Variants in DMD observed in about 807,000 individuals in gnomAD.
DMD encodes the protein dystrophin.
Under a neutral mutation model 330.1 loss-of-function variants are expected in DMD, and 63 were observed. The ratio of observed to expected loss-of-function variants is 0.19; its 90% CI spans 0.16 to 0.24. The LOEUF is 0.24. DMD is among the 10% of genes least tolerant of loss of function. The pLI is 1.00. For synonymous variants in DMD, 1,223 were observed against 959.8 expected (o/e 1.27, Z -5.07); for missense variants, 3,344 against 2,684.1 (o/e 1.25, Z -5.43).
At chrX:31,242,700 A>ATGTATGTG (rs747356705) in intron 63 of DMD, among the ~76,000 whole-genome samples, 8 of 95,096 alleles carry the variant, frequency 8.4e-5, no homozygotes, top group African/African-American at 3.1e-4. Flanking sequence ...ACAATAAGAT[A>ATGTATGTG]TGTGTGTGTG....
chrX:32,711,411 G>A (rs748126977), intron 7 of DMD, among the ~76,000 whole-genome samples: 5 of 110,852 alleles, frequency 4.5e-5, no homozygotes, highest in African/African-American at 1.6e-4. Flanking sequence ...CCCCATATGG[G>A]CTCTGATCTT....
At position 32,597,239 on chromosome X, in the gene DMD, AT is replaced by A. The variant is rs1397200946; in HGVS notation, c.1483-1364del. On this transcript the variant is annotated intron_variant, in intron 12 of 78. Transcript: ENST00000357033. ...TCCCTAGTAATTCACCATTTCTGTCATTTTTTTAATCATAGTATTGTCACTA... is the reference window on the plus strand; with the variant it reads ...TCCCTAGTAATTCACCATTTCTGTCATTTTTTAATCATAGTATTGTCACTA... 3.9e-4 allele frequency among the ~76,000 whole-genome samples: 44 copies of A among 111,667 alleles called. No homozygotes were observed. In the Admixed American group the frequency reaches 4.1e-3, roughly 10 times the overall value.
chrX:32,925,522 T>C (rs56129937), intron 2 of DMD, among the ~76,000 whole-genome samples: 5,597 of 110,600 alleles, frequency 0.051, 123 homozygotes, highest in African/African-American at 0.083. Flanking sequence ...GTAACTTGAA[T>C]CCAGTAAATG....
chrX:31,932,123 G>A lies in DMD; in HGVS notation c.6719C>T (p.Pro2240Leu). The part of the protein sequence containing the change: ...ADNIASIPLE[P>L]GKEQQLKEKL... The stretch of plus-strand genomic sequence containing the variant: ...TTCTTTTAGTTGCTGCTCTTTTCCA[G>A]GTTCAAGTGGGATACTAGCAATGTT... Residue 2240 changes from proline (P) to leucine (L), a missense_variant, in exon 46 of 79, where the codon CCT (proline) becomes CTT (leucine). By Grantham distance (98) the Pro-to-Leu change is moderately conservative (BLOSUM62 -3). Transcript: ENST00000357033. 1 of 1,209,667 alleles carries A rather than the reference G, an allele frequency of 8.3e-7. No individual in the cohort carries two copies. Among genetic ancestry groups the A allele is most frequent in the South Asian group, 1.8e-5 (1 of 56,938 alleles).
At chrX:32,260,725 C>CTA (rs1369645753) in intron 43 of DMD, among the ~76,000 whole-genome samples, 4 of 111,923 alleles carry the variant, frequency 3.6e-5, no homozygotes, top group African/African-American at 1.3e-4. Flanking sequence ...TTTCCAAGAA[C>CTA]TATACATTAT....
chrX:31,191,587 C>G lies in DMD; in HGVS notation c.9808-8683G>C, dbSNP rs745402423. ...GATGGTTTTAAAAACGGGAGTTTCTCTGCACAAGCTCTTTTTTTGCCTGCT... is the reference window on the plus strand; with the variant it reads ...GATGGTTTTAAAAACGGGAGTTTCTGTGCACAAGCTCTTTTTTTGCCTGCT... On this transcript the variant is annotated intron_variant, in intron 67 of 78. Coordinates refer to ENST00000357033, the MANE Select transcript of DMD (RefSeq NM_004006.3). 9.0e-5 allele frequency among the ~76,000 whole-genome samples: 10 copies of G among 111,256 alleles called. No homozygotes were observed. The Admixed American group carries it at 9.5e-4, about 11-fold the overall frequency.
At chrX:32,760,997 T>C (rs918144025) in intron 7 of DMD, among the ~76,000 whole-genome samples, 3 of 109,150 alleles carry the variant, frequency 2.7e-5, no homozygotes, top group Admixed American at 1.0e-4. Context: ...CTCTAAAATA[T>C]AGCCCAAATG....
At chrX:32,098,555 A>G (rs1178585905) in intron 44 of DMD, among the ~76,000 whole-genome samples, 3 of 111,978 alleles carry the variant, frequency 2.7e-5, no homozygotes, top group Non-Finnish European at 5.6e-5. Flanking sequence ...TTTCTAACTC[A>G]TTCTAGATAT....
At chrX:33,250,495 G>A (rs2052755907) in intron 1 of DMD, among the ~76,000 whole-genome samples, 2 of 110,470 alleles carry the variant, frequency 1.8e-5, no homozygotes, top group Non-Finnish European at 3.8e-5. Flanking sequence ...GACCAGTACC[G>A]GTCCTTGGCC....
chrX:32,684,306 T>C, intron 9 of DMD, among the ~76,000 whole-genome samples: 1 of 111,693 alleles, frequency 9.0e-6, no homozygotes, highest in Non-Finnish European at 1.9e-5. Context: ...AATCTAACCA[T>C]GTATCAGTGC....
At chrX:32,614,194 T>C in intron 12 of DMD, 109 bp downstream of exon 12, 4 of 831,294 alleles carry the variant, frequency 4.8e-6, no homozygotes, top group South Asian at 5.1e-5. Context: ...ATGGCTGACT[T>C]TAAGTTTTAA....
chrX:33,026,185 A>G (rs1404872588), intron 1 of DMD, among the ~76,000 whole-genome samples: 2 of 108,083 alleles, frequency 1.9e-5, no homozygotes, highest in Non-Finnish European at 3.8e-5. Context: ...AATACAAAAA[A>G]TTAGCCGGGC....
At chrX:31,570,341 G>C (rs1317338469) in intron 55 of DMD, among the ~76,000 whole-genome samples, 4 of 111,036 alleles carry the variant, frequency 3.6e-5, no homozygotes, top group African/African-American at 1.3e-4. Context: ...ATTATCACTG[G>C]CGATGTTATA....
intron 49 of DMD, among the ~76,000 whole-genome samples, chrX:31,829,362 C>T: frequency 9.1e-6 from 1 of 110,254 alleles, no homozygotes; most frequent in South Asian, 3.9e-4. Context: ...CACCTATACC[C>T]CCAAAACTAC....
chrX:31,331,594 C>T (rs2057127024), intron 61 of DMD, among the ~76,000 whole-genome samples: 1 of 111,805 alleles, frequency 8.9e-6, no homozygotes, highest in South Asian at 3.8e-4. Context: ...AATTTATGCT[C>T]AAGGAATTTT....
At chrX:32,970,188 A>G (rs1439447268) in intron 2 of DMD, among the ~76,000 whole-genome samples, 1 of 94,430 alleles carries the variant, frequency 1.1e-5, no homozygotes, top group Non-Finnish European at 2.0e-5. Flanking sequence ...TACAGTGTGT[A>G]AAGCAAAGAG....
chrX:32,589,553 T>C lies in DMD; in HGVS notation c.1602+6204A>G, dbSNP rs58512116. On this transcript the variant is annotated intron_variant, in intron 13 of 78. Coordinates refer to ENST00000357033, the MANE Select transcript of DMD (RefSeq NM_004006.3). ...ACACATTTATACATATATTTTTATA[T>C]AGACAAAATTACATGTATTTTTACA... Among the ~76,000 whole-genome samples, 689 of 111,254 alleles carry C rather than the reference T, an allele frequency of 6.2e-3. 5 individuals are homozygous for C. Among genetic ancestry groups the C allele is most frequent in the African/African-American group, 0.021 (654 of 30,705 alleles).
chrX:32,161,952 C>A (rs1209537564), intron 44 of DMD, among the ~76,000 whole-genome samples: 1 of 111,549 alleles, frequency 9.0e-6, no homozygotes, highest in Non-Finnish European at 1.9e-5. Context: ...AGAGTTAGAA[C>A]ACTAGCAAGG....
At chrX:31,157,459 A>T (rs973288693) in intron 74 of DMD, among the ~76,000 whole-genome samples, 4 of 112,274 alleles carry the variant, frequency 3.6e-5, no homozygotes, top group Non-Finnish European at 5.6e-5. Context: ...AGCCAAAAGG[A>T]AAAACTAGGA....
Sources: allele counts gnomAD v4.1 joint callset (sites outside exome capture counted in the v4.1 genomes callset), GRCh38; gene constraint gnomAD v4.1.1; transcripts MANE v1.5; gene names NCBI Gene and HGNC (gene_info 2026-07-23, HGNC 2026-07-21).